Variants in DLG2 observed in about 807,000 individuals in gnomAD.
DLG2 encodes the protein disks large homolog 2.
DLG2 carries 45 observed loss-of-function variants against 132.5 expected under a neutral mutation model. The ratio of observed to expected loss-of-function variants is 0.34; its 90% CI spans 0.27 to 0.44. The LOEUF (loss-of-function observed/expected upper bound fraction) is 0.44, where lower values mean the gene tolerates loss of function less well. Among genes scored for constraint, DLG2 ranks in the 20% least tolerant of loss-of-function variants. DLG2 has a pLI of 1.00. For missense variants in DLG2, 1,045 were observed against 1,196.9 expected, an observed-to-expected ratio of 0.87 and a Z score of 1.87; for synonymous variants, 424 against 419.6, an observed-to-expected ratio of 1.01 and a Z score of -0.13.
rs1237870587 is a variant in DLG2, at chr11:83,457,688, G to A, written c.*2130C>T. ...AAGTTATCGTGGTGGCCTAAAAATA[G>A]AGCTGGGATCAGGAATGGCATTCTG... On this transcript the variant is annotated 3_prime_UTR_variant, in exon 28 of 28. Coordinates refer to ENST00000376104, the MANE Select transcript of DLG2 (RefSeq NM_001142699.3). 1 of 152,378 alleles carries A rather than the reference G, an allele frequency of 6.6e-6. No homozygotes were observed. Among genetic ancestry groups the A allele is most frequent in the Non-Finnish European group, 1.5e-5 (1 of 68,022 alleles). The allele number at this position is 152,378 out of a possible 1,614,324, so 9.4% of individuals were successfully genotyped here.
intron 6 of DLG2, among the ~76,000 whole-genome samples, chr11:84,968,147 T>C (rs1030041089): frequency 1.1e-4 from 17 of 152,148 alleles, no homozygotes; most frequent in Admixed American, 2.0e-4. Context: ...TAAATAGCCA[T>C]AAGACATCCA....
At chr11:85,508,744 T>C (rs1339953419) in intron 3 of DLG2, among the ~76,000 whole-genome samples, 1 of 152,094 alleles carries the variant, frequency 6.6e-6, no homozygotes, top group Non-Finnish European at 1.5e-5. Context: ...CTTTGTATTT[T>C]CCAAATGTTC....
intron 3 of DLG2, among the ~76,000 whole-genome samples, chr11:85,395,674 G>A (rs989271545): frequency 1.3e-5 from 2 of 152,032 alleles, no homozygotes; most frequent in African/African-American, 4.8e-5. Flanking sequence ...GTCTGAGATT[G>A]ACCTGCAATG....
At chr11:85,081,922 G>A (rs2067283695) in intron 6 of DLG2, among the ~76,000 whole-genome samples, 1 of 152,080 alleles carries the variant, frequency 6.6e-6, no homozygotes, top group Admixed American at 6.6e-5. Context: ...GCATACTTGG[G>A]GAGGTTAAGA....
At chr11:84,842,741 A>G (rs773218246) in intron 6 of DLG2, among the ~76,000 whole-genome samples, 1 of 151,860 alleles carries the variant, frequency 6.6e-6, no homozygotes, top group Non-Finnish European at 1.5e-5. Context: ...CTAGTATACC[A>G]GAAGTTTTAG....
chr11:84,254,015 C>T (rs761513571), intron 7 of DLG2, among the ~76,000 whole-genome samples: 1 of 152,106 alleles, frequency 6.6e-6, no homozygotes, highest in Middle Eastern at 3.4e-3. Flanking sequence ...TCTGGTGAAG[C>T]CTTAGTATGT....
At chr11:84,921,812 T>C (rs1423729106) in intron 6 of DLG2, among the ~76,000 whole-genome samples, 1 of 152,188 alleles carries the variant, frequency 6.6e-6, no homozygotes, top group East Asian at 1.9e-4. Flanking sequence ...TCCAAGATGA[T>C]ATTTGGGCAC....
intron 11 of DLG2, among the ~76,000 whole-genome samples, chr11:84,009,298 C>T (rs948822086): frequency 1.3e-5 from 2 of 151,920 alleles, no homozygotes; most frequent in African/African-American, 2.4e-5. Context: ...AACAAACAAA[C>T]ACCACCTTCG....
chr11:84,040,466 A>T (rs1033785015), intron 11 of DLG2, among the ~76,000 whole-genome samples: 9 of 150,838 alleles, frequency 6.0e-5, no homozygotes, highest in African/African-American at 2.2e-4. Context: ...GGCACCATTT[A>T]TTAAATAGGG....
intron 7 of DLG2, among the ~76,000 whole-genome samples, chr11:84,352,155 T>C (rs2098579391): frequency 6.6e-6 from 1 of 152,198 alleles, no homozygotes; most frequent in Admixed American, 6.5e-5. Context: ...CTTCTCCCGC[T>C]CTTGCTCCAC....
rs185470572 is a variant in DLG2, at chr11:84,081,100, A to T, written c.749+17823T>A. 8.5e-4 allele frequency among the ~76,000 whole-genome samples: 129 copies of T among 152,230 alleles called. 2 individuals are homozygous for T. In the East Asian group the frequency reaches 9.5e-3, roughly 11 times the overall value. On this transcript the variant is annotated intron_variant, in intron 10 of 27. Coordinates refer to ENST00000376104, the MANE Select transcript of DLG2 (RefSeq NM_001142699.3). ...TAATATTTAAAGGAGTTAACAAACGATAGGAGAAGACAGAAAATTATACCA... is the reference window on the plus strand; with the variant it reads ...TAATATTTAAAGGAGTTAACAAACGTTAGGAGAAGACAGAAAATTATACCA...
intron 6 of DLG2, among the ~76,000 whole-genome samples, chr11:84,849,708 A>G (rs555012768): frequency 6.6e-6 from 1 of 152,146 alleles, no homozygotes; most frequent in East Asian, 1.9e-4. Flanking sequence ...GATATGTCAC[A>G]TTTTCTAAGG....
intron 3 of DLG2, among the ~76,000 whole-genome samples, chr11:85,401,477 A>C (rs1426583913): frequency 6.6e-6 from 1 of 152,152 alleles, no homozygotes; most frequent in Non-Finnish European, 1.5e-5. Context: ...TAGTATTGGA[A>C]GTTCTGGCTA....
chr11:85,487,033 T>G (rs1226944432), intron 3 of DLG2, among the ~76,000 whole-genome samples: 1 of 147,180 alleles, frequency 6.8e-6, no homozygotes, highest in Non-Finnish European at 1.5e-5. Flanking sequence ...ACTGACCCTG[T>G]GTGCTGATTA....
At chr11:85,268,325 T>C (rs2077338368) in intron 4 of DLG2, among the ~76,000 whole-genome samples, 1 of 152,196 alleles carries the variant, frequency 6.6e-6, no homozygotes, top group Non-Finnish European at 1.5e-5. Flanking sequence ...CAACCATTAG[T>C]CTCTCACATA....
At chr11:84,993,438 C>T (rs770840339) in intron 6 of DLG2, among the ~76,000 whole-genome samples, 7 of 152,280 alleles carry the variant, frequency 4.6e-5, no homozygotes, top group Non-Finnish European at 7.4e-5. Context: ...GTTTGCATAG[C>T]TTCAGATTTC....
intron 18 of DLG2, among the ~76,000 whole-genome samples, chr11:83,747,738 T>C (rs902351293): frequency 6.6e-6 from 1 of 152,006 alleles, no homozygotes; most frequent in Admixed American, 6.6e-5. Context: ...ATGGTTGTAT[T>C]AGTGCTGCAA....
chr11:85,024,283 A>T (rs2060325919), intron 6 of DLG2, among the ~76,000 whole-genome samples: 1 of 152,224 alleles, frequency 6.6e-6, no homozygotes, highest in African/African-American at 2.4e-5. Context: ...GGAGCTAGTT[A>T]CAGGATGGGA....
chr11:85,521,286 G>C (rs2074292947), intron 3 of DLG2, among the ~76,000 whole-genome samples: 1 of 152,088 alleles, frequency 6.6e-6, no homozygotes, highest in South Asian at 2.1e-4. Flanking sequence ...CTTTGTGAGG[G>C]GCTTTTCCCC....
Sources: allele counts gnomAD v4.1 joint callset (sites outside exome capture counted in the v4.1 genomes callset), GRCh38; gene constraint gnomAD v4.1.1; transcripts MANE v1.5; gene names NCBI Gene and HGNC (gene_info 2026-07-23, HGNC 2026-07-21).